Variants in CNGA2 observed in about 807,000 individuals in gnomAD.
CNGA2 encodes the protein cyclic nucleotide gated channel subunit alpha 2.
A neutral mutation model predicts 35.9 loss-of-function variants in CNGA2; 22 were observed. That is an observed-to-expected ratio of 0.61 (90% CI 0.44 to 0.88). The LOEUF is 0.88. CNGA2 is among the 40% of genes least tolerant of loss of function. The probability of loss-of-function intolerance (pLI) is 0.00; values close to 1 mark genes in which losing one functional copy is unlikely to be tolerated. For missense variants in CNGA2, 555 were observed against 530.8 expected (o/e 1.05, Z -0.45); for synonymous variants, 217 against 209.2 (o/e 1.04, Z -0.32).
At chrX:151,737,774 C>T (rs1225544134) in intron 1 of CNGA2, among the ~76,000 whole-genome samples, 2 of 109,984 alleles carry the variant, frequency 1.8e-5, no homozygotes, top group Non-Finnish European at 3.8e-5. Context: ...AGCCATCTTC[C>T]TGTGCCTTCG....
At chrX:151,740,016 G>A (rs2015288154) in intron 4 of CNGA2, among the ~76,000 whole-genome samples, 1 of 112,258 alleles carries the variant, frequency 8.9e-6, no homozygotes, top group Non-Finnish European at 1.9e-5. Context: ...CAGTTCCAGT[G>A]GTCAGGAAAT....
At chrX:151,738,294 G>A (rs772862167) in intron 1 of CNGA2, among the ~76,000 whole-genome samples, 164 bp from the exon 2 acceptor site, 1 of 111,208 alleles carries the variant, frequency 9.0e-6, no homozygotes, top group African/African-American at 3.3e-5. Context: ...TGGCATTTAG[G>A]GACTGCTGAA....
chrX:151,738,772 C>T lies in CNGA2; in HGVS notation c.111-15C>T. On this transcript the variant is annotated splice_polypyrimidine_tract_variant and intron_variant, in intron 2 of 6. Transcript: ENST00000329903. The stretch of plus-strand genomic sequence containing the variant: ...CCCTGAGAACCCTGGGTCAATTCTG[C>T]TCTTTTTTCTGCAGGCCACACTCTG... The T allele has an allele frequency of 8.6e-7, 1 of 1,158,945 alleles. No individual in the cohort carries two copies. Among genetic ancestry groups the T allele is most frequent in the Non-Finnish European group, 1.2e-6 (1 of 866,004 alleles).
Position 151,742,677 on chromosome X carries a change from G to C in CNGA2, c.589+35G>C, listed in dbSNP as rs7889492. On this transcript the variant is annotated intron_variant, in intron 6 of 6. Coordinates refer to ENST00000329903, the MANE Select transcript of CNGA2 (RefSeq NM_005140.3). ...CAACTGGGATGCAGGTAAATCCGAA[G>C]GCCTGAGTCCAAATTTTTAGGAAGC... is the stretch of plus-strand genomic sequence containing the variant. The C allele has an allele frequency of 1.1e-3, 1,168 of 1,098,193 alleles. 8 individuals carry two copies. In the African/African-American group the frequency reaches 0.019, roughly 18 times the overall value. The allele number at this position is 1,098,193 out of a possible 1,213,427, so 90.5% of individuals were successfully genotyped here.
In CNGA2 at chrX:151,738,545, C is replaced by T. The variant is rs1603007625; in HGVS notation, c.62C>T (p.Pro21Leu). 3.3e-6 allele frequency: 4 copies of T among 1,209,975 alleles called. No individual in the cohort carries two copies. The highest frequency in any genetic ancestry group is 3.5e-5 in the African/African-American group (2 of 57,152). Residue 21 changes from proline (P) to leucine (L), a missense_variant, in exon 2 of 7, where the codon CCT (proline) becomes CTT (leucine). Coordinates refer to ENST00000329903, the MANE Select transcript of CNGA2 (RefSeq NM_005140.3). ...GCCAATAATCACAACCATCATGCAC[C>T]TCCTGCCATCAAGGCCAATGGCAAA... is the stretch of plus-strand genomic sequence containing the variant. ...SPANNHNHHA[P>L]PAIKANGKDD...
At position 151,744,860 on chromosome X, in the gene CNGA2, C is replaced by T; in HGVS notation, c.*362C>T. The T allele has an allele frequency of 4.9e-6, 1 of 204,562 alleles. No homozygotes were observed. Among genetic ancestry groups the T allele is most frequent in the Non-Finnish European group, 9.1e-6 (1 of 110,492 alleles). 16.9% of individuals were successfully genotyped at this position (204,562 alleles called of 1,213,427 possible). A position where few individuals can be genotyped will look rare whatever the true frequency, so the allele number is the denominator to read the frequency against. ...ATGTCTTCTGAATGCTTCCTTTTTC[C>T]CTGCACACGCATGTACTTCGAGCAC... On this transcript the variant is annotated 3_prime_UTR_variant, in exon 7 of 7. Transcript: ENST00000329903.
chrX:151,740,686 C>T (rs2015295667), intron 4 of CNGA2, 108 bp from the exon 5 acceptor site: 6 of 609,787 alleles, frequency 9.8e-6, no homozygotes, highest in Non-Finnish European at 1.7e-5. Context: ...CCACATATAC[C>T]CTTCGGCAGT....
At chrX:151,737,090 T>A (rs1455262698) in intron 1 of CNGA2, among the ~76,000 whole-genome samples, 1 of 111,648 alleles carries the variant, frequency 9.0e-6, no homozygotes, top group Non-Finnish European at 1.9e-5. Flanking sequence ...GTGCCTGCCA[T>A]CGCCATGGTG....
Position 151,744,341 on chromosome X carries a change from C to T in CNGA2, c.1838C>T (p.Thr613Ile), listed in dbSNP as rs1406881980. Residue 613 changes from threonine (T) to isoleucine (I), a missense_variant, in exon 7 of 7, where the codon ACT becomes ATT. Physicochemically the swap from Thr to Ile is moderately conservative, Grantham distance 89. Transcript: ENST00000329903. The stretch of plus-strand genomic sequence containing the variant: ...GAGACCAACATGGAAACCTTGTACA[C>T]TCGCTTTGGCCGCCTGCTGGCTGAG... ...QLETNMETLYTRFGRLLAEYT... is the reference protein window; with the variant it reads ...QLETNMETLYIRFGRLLAEYT... 1 of 1,211,250 alleles carries T rather than the reference C, an allele frequency of 8.3e-7. No homozygotes were observed. The highest frequency in any genetic ancestry group is 1.1e-6 in the Non-Finnish European group (1 of 895,460).
In CNGA2 at chrX:151,744,566, T is replaced by G. The variant is rs1276257175; in HGVS notation, c.*68T>G. The G allele has an allele frequency of 1.1e-6, 1 of 917,565 alleles. No individual in the cohort carries two copies. The highest frequency in any genetic ancestry group is 2.0e-5 in the African/African-American group (1 of 50,453). The allele number at this position is 917,565 out of a possible 1,213,427, so 75.6% of individuals were successfully genotyped here. A position where few individuals can be genotyped will look rare whatever the true frequency, so the allele number is the denominator to read the frequency against. On this transcript the variant is annotated 3_prime_UTR_variant, in exon 7 of 7. Coordinates refer to ENST00000329903, the MANE Select transcript of CNGA2 (RefSeq NM_005140.3). ...GATCCCAGAAGCTAGAGGAGCTATT[T>G]AGATCTCCGGATTTACATGCATTAC...
rs113295831 is a variant in CNGA2 at position 151,744,030 on chromosome X, G to A, written c.1527G>A (p.Gln509=). ...LAVVADDGVT[Q]YALLSAGSCF... ...TGGTGGCTGATGATGGTGTGACTCA[G>A]TATGCTCTGCTGTCGGCTGGAAGCT... The change falls in exon 7 of 7, where the codon CAG becomes CAA. Residue 509 remains glutamine (Q), a synonymous_variant. Coordinates refer to ENST00000329903, the MANE Select transcript of CNGA2 (RefSeq NM_005140.3). 6.7e-3 allele frequency: 8,098 copies of A among 1,209,406 alleles called. 28 individuals are homozygous for A. The highest frequency in any genetic ancestry group is 0.018 in the Middle Eastern group (77 of 4,354).
intron 2 of CNGA2, 47 bp downstream of exon 2, chrX:151,738,640 C>A: frequency 9.1e-7 from 1 of 1,101,804 alleles, no homozygotes; most frequent in Non-Finnish European, 1.2e-6. Context: ...GCTACTTCTT[C>A]CCATCTCTGC....
At chrX:151,741,647 G>A (rs1414775117) in intron 5 of CNGA2, among the ~76,000 whole-genome samples, 1 of 112,659 alleles carries the variant, frequency 8.9e-6, no homozygotes, top group Non-Finnish European at 1.9e-5. Context: ...GCTAGAGAAA[G>A]GGCAGTCAGG....
intron 3 of CNGA2, 108 bp from the exon 4 acceptor site, chrX:151,739,454 C>T: frequency 1.1e-6 from 1 of 879,477 alleles, no homozygotes; most frequent in Non-Finnish European, 1.6e-6. Flanking sequence ...GTAGGTTTCA[C>T]TGTCCTTCTT....
In CNGA2 at chrX:151,743,267, G is replaced by A. The variant is rs754448035; in HGVS notation, c.764G>A (p.Arg255His). The A allele has an allele frequency of 1.1e-5, 13 of 1,208,044 alleles. No individual in the cohort carries two copies. Among genetic ancestry groups the A allele is most frequent in the East Asian group, 3.0e-5 (1 of 33,675 alleles). The stretch of plus-strand genomic sequence containing the variant: ...TTCAACCGCCTGCTGCACTTTGCCC[G>A]CATGTTTGAGTTCTTTGACCGGACA... ...VRFNRLLHFA[R>H]MFEFFDRTET... The change falls in exon 7 of 7, where the codon CGC becomes CAC. Residue 255 changes from arginine to histidine, a missense_variant. By Grantham distance (29) the Arg-to-His change is conservative. Transcript: ENST00000329903.
intron 1 of CNGA2, among the ~76,000 whole-genome samples, chrX:151,737,826 C>T (rs2015263120): frequency 9.4e-6 from 1 of 105,844 alleles, no homozygotes; most frequent in African/African-American, 3.4e-5. Flanking sequence ...CCGAGCAGCT[C>T]CAAGGCAGCC....
intron 1 of CNGA2, among the ~76,000 whole-genome samples, chrX:151,735,863 G>T (rs1054932339): frequency 9.1e-6 from 1 of 110,300 alleles, no homozygotes; most frequent in East Asian, 2.9e-4. Flanking sequence ...CCTACTCCTC[G>T]CTTGAAACTT....
chrX:151,738,296 AC>A (rs1271109462), intron 1 of CNGA2, among the ~76,000 whole-genome samples, 161 bp from the exon 2 acceptor site: 1 of 110,811 alleles, frequency 9.0e-6, no homozygotes, highest in African/African-American at 3.3e-5. Context: ...GCATTTAGGG[AC>A]TGCTGAATCC....
Position 151,744,961 on chromosome X carries a change from G to A in CNGA2, c.*463G>A, listed in dbSNP as rs2015362151. The A allele has an allele frequency of 8.3e-6, 1 of 120,618 alleles. No homozygotes were observed. The highest frequency in any genetic ancestry group is 1.7e-5 in the Non-Finnish European group (1 of 58,568). The allele number at this position is 120,618 out of a possible 1,213,427, so 9.9% of individuals were successfully genotyped here. ...CCAAGGGATGTGATAGTGTTGTTGG[G>A]AGGGGGTAGAAGGGTGCCCACTCAG... On this transcript the variant is annotated 3_prime_UTR_variant, in exon 7 of 7. Coordinates refer to ENST00000329903, the MANE Select transcript of CNGA2 (RefSeq NM_005140.3).
Sources: gnomAD v4.1 joint callset for allele counts (sites outside exome capture counted in the v4.1 genomes callset) on GRCh38, gnomAD v4.1.1 for gene constraint, MANE v1.5 for transcripts, NCBI Gene and HGNC (gene_info 2026-07-23, HGNC 2026-07-21) for gene names.